Variants in LYSMD2 observed in about 807,000 individuals in gnomAD.
The protein encoded by LYSMD2 is LysM domain containing 2, also known as lysM and putative peptidoglycan-binding domain-containing protein 2.
A neutral mutation model predicts 17.7 loss-of-function variants in LYSMD2; 6 were observed. The ratio of observed to expected loss-of-function variants is 0.34; its 90% CI spans 0.19 to 0.67. The LOEUF is 0.67. Ranked by LOEUF, LYSMD2 falls within the 30% of genes least tolerant of loss-of-function variation. The probability of loss-of-function intolerance (pLI) is 0.69; values close to 1 mark genes in which losing one functional copy is unlikely to be tolerated. For synonymous variants in LYSMD2, 102 were observed against 129.8 expected (o/e 0.79, Z 1.45); for missense variants, 237 against 286.7 (o/e 0.83, Z 1.25).
chr15:51,744,962 G>T (rs1567231135), intron 1 of LYSMD2, among the ~76,000 whole-genome samples: 2 of 151,904 alleles, frequency 1.3e-5, no homozygotes, highest in Non-Finnish European at 2.9e-5. Flanking sequence ...GAAATAAAAA[G>T]AATAATAAAG....
intron 1 of LYSMD2, among the ~76,000 whole-genome samples, chr15:51,731,190 G>GTCATCGAA (rs1316996668): frequency 2.6e-5 from 4 of 152,158 alleles, no homozygotes; most frequent in Non-Finnish European, 5.9e-5. Context: ...TTTACTTAAA[G>GTCATCGAA]TCATCGAATC....
intron 1 of LYSMD2, among the ~76,000 whole-genome samples, chr15:51,731,771 C>G (rs1195100636): frequency 1.3e-5 from 2 of 152,158 alleles, no homozygotes; most frequent in East Asian, 1.9e-4. Context: ...CAAAAATTCA[C>G]GGTGGCAGCC....
In LYSMD2 at chr15:51,737,159, T is replaced by G. The variant is rs570327317; in HGVS notation, c.273+191A>C. Among the ~76,000 whole-genome samples the G allele has an allele frequency of 6.6e-6, 1 of 152,186 alleles. No homozygotes were observed. The highest frequency in any genetic ancestry group is 2.1e-4 in the South Asian group (1 of 4,826). On this transcript the variant is annotated intron_variant, in intron 1 of 2. Coordinates refer to ENST00000267838, the MANE Select transcript of LYSMD2 (RefSeq NM_153374.3). The surrounding 1 kb of genome is among the most constrained non-coding windows in gnomAD (Gnocchi z 4.2). The stretch of plus-strand genomic sequence containing the variant: ...CTGCAGGACCAGCTTTGGCGACCAC[T>G]GCGGTGGCCAGCAGCGCGCGCTGAG...
intron 1 of LYSMD2, among the ~76,000 whole-genome samples, chr15:51,726,644 T>C (rs757478870): frequency 3.9e-5 from 6 of 152,226 alleles, no homozygotes; most frequent in Non-Finnish European, 5.9e-5. Context: ...TCCTGGCACC[T>C]TGTGGAATCT....
At chr15:51,742,529 G>A (rs1381158048), upstream of LYSMD2, among the ~76,000 whole-genome samples, 1 of 152,124 alleles carries the variant, frequency 6.6e-6, no homozygotes, top group Non-Finnish European at 1.5e-5. Context: ...GTTGAGTTTG[G>A]GGGAGCTCTT....
At chr15:51,747,386 G>A (rs1313339920) in intron 1 of LYSMD2, among the ~76,000 whole-genome samples, 1 of 152,062 alleles carries the variant, frequency 6.6e-6, no homozygotes, top group Non-Finnish European at 1.5e-5. Flanking sequence ...AGCTACCTGG[G>A]AGGCTAAGGC....
chr15:51,728,856 T>A (rs1411939374), intron 1 of LYSMD2, among the ~76,000 whole-genome samples: 1 of 146,644 alleles, frequency 6.8e-6, no homozygotes, highest in African/African-American at 2.5e-5. Context: ...GGTGACAGAG[T>A]GAGACTCCAT....
intron 1 of LYSMD2, among the ~76,000 whole-genome samples, chr15:51,748,477 C>A (rs2055680271): frequency 6.6e-6 from 1 of 152,086 alleles, no homozygotes; most frequent in South Asian, 2.1e-4. Flanking sequence ...GTCTTTCAGT[C>A]CATCCAAAGA....
chr15:51,742,183 G>A (rs1012628628), upstream of LYSMD2, among the ~76,000 whole-genome samples: 1 of 151,904 alleles, frequency 6.6e-6, no homozygotes, highest in African/African-American at 2.4e-5. Context: ...AAGATTACAG[G>A]CCTGCACCGC....
chr15:51,737,625 GT>G lies in LYSMD2; in HGVS notation c.-4del, dbSNP rs1232329021. 6 of 1,206,394 alleles carry G rather than the reference GT, an allele frequency of 5.0e-6. No homozygotes were observed. The Admixed American group carries it at 1.8e-4, about 35-fold the overall frequency. The allele number at this position is 1,206,394 out of a possible 1,614,324, so 74.7% of individuals were successfully genotyped here. ...AGTGCGGGCGAGGAATCCGCCATGG[GT>G]CCTGCCGAGGCCGCCGGGTCGGGGA... On this transcript the variant is annotated 5_prime_UTR_variant, in exon 1 of 3. Transcript: ENST00000267838. This position sits in a 1 kb window ranked among gnomAD's most constrained non-coding sequence, Gnocchi z 4.2.
chr15:51,726,348 C>T (rs1365781353), intron 1 of LYSMD2, among the ~76,000 whole-genome samples: 1 of 152,194 alleles, frequency 6.6e-6, no homozygotes, highest in Non-Finnish European at 1.5e-5. Context: ...TCAGGTATAC[C>T]TATTGCTATT....
At chr15:51,744,938 C>T (rs552615616) in intron 1 of LYSMD2, among the ~76,000 whole-genome samples, 1 of 152,034 alleles carries the variant, frequency 6.6e-6, no homozygotes, top group Admixed American at 6.6e-5. Flanking sequence ...GGGGATATTA[C>T]TACTGATCTT....
intron 1 of LYSMD2, among the ~76,000 whole-genome samples, chr15:51,748,910 G>A (rs528016102): frequency 2.6e-5 from 4 of 152,294 alleles, no homozygotes; most frequent in African/African-American, 7.2e-5. Flanking sequence ...TCCTAATGAG[G>A]TGTGCTACAT....
Position 51,723,631 on chromosome 15 carries a change from A to C in LYSMD2, c.624T>G (p.Tyr208Ter). The change falls in exon 3 of 3, where the codon TAT (tyrosine) becomes TAG (stop). Residue 208 changes from tyrosine (Y) to a stop codon, truncating the protein, a stop_gained. Coordinates refer to ENST00000267838, the MANE Select transcript of LYSMD2 (RefSeq NM_153374.3). LOFTEE classifies it high-confidence loss of function. Reference sequence around the variant, plus strand: ...CCTAACTGTGATAGAGGGAAGTTGCATAGGGACTTTCTTCATCTCTGAAAG... The same window carrying C: ...CCTAACTGTGATAGAGGGAAGTTGCCTAGGGACTTTCTTCATCTCTGAAAG... ...KEESRDEESP[Y>*]ATSLYHS is the part of the protein sequence containing the mutation. 8.7e-6 allele frequency: 14 copies of C among 1,606,122 alleles called. No individual in the cohort carries two copies. Among genetic ancestry groups the C allele is most frequent in the Non-Finnish European group, 1.2e-5 (14 of 1,176,058 alleles).
rs766335970 is a variant in LYSMD2, at chr15:51,725,130, T to TA, written c.274-10dup. The TA allele has an allele frequency of 8.5e-6, 13 of 1,531,472 alleles. No individual in the cohort carries two copies. The highest frequency in any genetic ancestry group is 8.9e-6 in the Non-Finnish European group (10 of 1,123,606). The allele number at this position is 1,531,472 out of a possible 1,614,324, so 94.9% of individuals were successfully genotyped here. ...CTTTTAATCTGTTCCATCTAAAATA[T>TA]AAAAAAGGAGACACAGAATTACATA... On this transcript the variant is annotated splice_polypyrimidine_tract_variant and intron_variant, in intron 1 of 2. Transcript: ENST00000267838.
At chr15:51,751,274 A>G (rs1323821403) in exon 1 of LYSMD2, 1 of 702,358 alleles carries the variant, frequency 1.4e-6, no homozygotes, top group South Asian at 1.5e-5. Context: ...TCTGTACCTG[A>G]GACCGCTCTC....
chr15:51,724,964 G>A lies in LYSMD2; in HGVS notation c.431C>T (p.Ser144Phe), dbSNP rs2055528899. The change falls in exon 2 of 3, where the codon TCT becomes TTT. Residue 144 changes from serine to phenylalanine, a missense_variant. Ser to Phe is a radical substitution (Grantham distance 155, BLOSUM62 -2). Coordinates refer to ENST00000267838, the MANE Select transcript of LYSMD2 (RefSeq NM_153374.3). ...PENETADNSF[S>F]QEEEPVVAGE... is the part of the protein sequence containing the mutation. ...GGCCACCACTGGCTCCTCTTCCTGA[G>A]AAAAACTGTTATCAGCAGTTTCATT... The A allele has an allele frequency of 1.2e-6, 2 of 1,614,024 alleles. No individual in the cohort carries two copies. The highest frequency in any genetic ancestry group is 2.7e-5 in the African/African-American group (2 of 74,920).
intron 1 of LYSMD2, among the ~76,000 whole-genome samples, chr15:51,730,633 C>A (rs1360324717): frequency 6.6e-6 from 1 of 152,190 alleles, no homozygotes; most frequent in Non-Finnish European, 1.5e-5. Context: ...AAGAACTCTT[C>A]CCATCTTGGG....
upstream of LYSMD2, chr15:51,737,657 C>T (rs1328798656): frequency 8.3e-7 from 1 of 1,201,740 alleles, no homozygotes; most frequent in Non-Finnish European, 1.0e-6. This position sits in a 1 kb window ranked among gnomAD's most constrained non-coding sequence, Gnocchi z 4.2. Flanking sequence ...GGGGAGCTTG[C>T]CAAGGGGGCG....
Sources: allele counts gnomAD v4.1 joint callset (sites outside exome capture counted in the v4.1 genomes callset), GRCh38; gene constraint gnomAD v4.1.1; non-coding constraint Gnocchi (gnomAD v3.1); transcripts MANE v1.5; gene names NCBI Gene and HGNC (gene_info 2026-07-23, HGNC 2026-07-21).